Variants in SCAP observed in about 807,000 individuals in gnomAD.
The protein encoded by SCAP is SREBF chaperone.
A neutral mutation model predicts 123.6 loss-of-function variants in SCAP; 65 were observed. The observed-to-expected ratio is 0.53, with a 90% confidence interval of 0.43 to 0.65. The LOEUF (loss-of-function observed/expected upper bound fraction) is 0.65, where lower values mean the gene tolerates loss of function less well. Ranked by LOEUF, SCAP falls within the 30% of genes least tolerant of loss-of-function variation. The pLI is 0.00. For missense variants in SCAP, 1,398 were observed against 1,712.5 expected (o/e 0.82, Z 3.24); for synonymous variants, 740 against 726.3 (o/e 1.02, Z -0.30).
intron 4 of SCAP, among the ~76,000 whole-genome samples, chr3:47,428,114 C>A (rs952311213): frequency 3.9e-5 from 6 of 152,192 alleles, no homozygotes; most frequent in African/African-American, 1.4e-4. Context: ...CAGGGACCCA[C>A]TGATAGGCAG....
rs1708252272 is a variant in SCAP at position 47,475,846 on chromosome 3, CG to C, written c.-147del. On this transcript the variant is annotated 5_prime_UTR_variant, in exon 1 of 23. Transcript: ENST00000265565. ...GCTGCGGCGGCGGCGGCGGCGGCGACGGGGGCGGCAGCAGGGGCGGAGCGCG... is the reference window on the plus strand; with the variant it reads ...GCTGCGGCGGCGGCGGCGGCGGCGACGGGGCGGCAGCAGGGGCGGAGCGCG... 1.2e-5 allele frequency: 2 copies of C among 161,008 alleles called. No homozygotes were observed. The highest frequency in any genetic ancestry group is 2.4e-5 in the African/African-American group (1 of 41,498). The allele number at this position is 161,008 out of a possible 1,614,324, so 10.0% of individuals were successfully genotyped here.
chr3:47,437,725 G>C (rs1224059064), intron 2 of SCAP, among the ~76,000 whole-genome samples: 1 of 152,146 alleles, frequency 6.6e-6, no homozygotes, highest in African/African-American at 2.4e-5. Flanking sequence ...CTAGGTGACA[G>C]AGTGAGACCC....
Position 47,424,179 on chromosome 3 carries a change from C to A in SCAP, c.1038-134G>T, listed in dbSNP as rs183988902. 4,374 of 663,484 alleles carry A rather than the reference C, an allele frequency of 6.6e-3. 37 individuals are homozygous for A. Among genetic ancestry groups the A allele is most frequent in the Non-Finnish European group, 9.9e-3 (3,661 of 369,884 alleles). The allele number at this position is 663,484 out of a possible 1,614,324, so 41.1% of individuals were successfully genotyped here. ...GACTCCCACAGGTGCTGGGCAGAAA[C>A]CCTCCCTTGTCCACCTCACCCAACA... On this transcript the variant is annotated intron_variant, in intron 8 of 22. Transcript: ENST00000265565.
At position 47,421,145 on chromosome 3, in the gene SCAP, C is replaced by A. The variant is rs1012456877; in HGVS notation, c.1246-116G>T. ...ACCGGCAGGGCAGCAGCAGGCAGGG[C>A]ACAGCAGAGATGAGAGATGCTGGTT... On this transcript the variant is annotated intron_variant, in intron 10 of 22. Coordinates refer to ENST00000265565, the MANE Select transcript of SCAP (RefSeq NM_012235.4). The A allele has an allele frequency of 1.8e-5, 14 of 796,368 alleles. No homozygotes were observed. The African/African-American group carries it at 2.4e-4, about 13-fold the overall frequency. The allele number at this position is 796,368 out of a possible 1,614,324, so 49.3% of individuals were successfully genotyped here.
intron 1 of SCAP, among the ~76,000 whole-genome samples, chr3:47,456,496 T>C (rs1333533447): frequency 2.6e-5 from 4 of 152,154 alleles, no homozygotes; most frequent in Non-Finnish European, 5.9e-5. Context: ...CCAGGTGCAG[T>C]GGCTCATGCC....
chr3:47,464,110 G>A (rs1243282963), intron 1 of SCAP, among the ~76,000 whole-genome samples: 5 of 152,168 alleles, frequency 3.3e-5, no homozygotes, highest in Non-Finnish European at 7.4e-5. Context: ...CCGCCTCCCA[G>A]GTTCAAGCAA....
chr3:47,469,134 G>C (rs1707943619), intron 1 of SCAP, among the ~76,000 whole-genome samples: 1 of 152,192 alleles, frequency 6.6e-6, no homozygotes. Context: ...GATCACTTGA[G>C]GTCAGGAGTT....
At chr3:47,425,965 G>A (rs1706109262) in intron 7 of SCAP, 32 bp downstream of exon 7, 3 of 1,612,586 alleles carry the variant, frequency 1.9e-6, no homozygotes, top group Non-Finnish European at 2.5e-6. Flanking sequence ...TTAGCTTGGA[G>A]AAAGCCCTCA....
At chr3:47,425,053 AT>A (rs1435603477) in intron 8 of SCAP, among the ~76,000 whole-genome samples, 3 of 152,138 alleles carry the variant, frequency 2.0e-5, no homozygotes, top group African/African-American at 7.2e-5. Context: ...AAATGTTCTA[AT>A]CATGAAAAAA....
Position 47,460,363 on chromosome 3 carries a change from G to T in SCAP, c.-99+15436C>A, listed in dbSNP as rs72913106. 6.3e-3 allele frequency among the ~76,000 whole-genome samples: 953 copies of T among 152,182 alleles called. 7 individuals are homozygous for T. The highest frequency in any genetic ancestry group is 0.02 in the African/African-American group (835 of 41,522). On this transcript the variant is annotated intron_variant, in intron 1 of 22. Transcript: ENST00000265565. Reference sequence around the variant, plus strand: ...GTCCATATTAAAAGGAAATATTAACGATTTATGTTCAGAGATTGAAGTAAA... The same window carrying T: ...GTCCATATTAAAAGGAAATATTAACTATTTATGTTCAGAGATTGAAGTAAA...
At chr3:47,473,122 G>A (rs55742438) in intron 1 of SCAP, among the ~76,000 whole-genome samples, 1 of 111,308 alleles carries the variant, frequency 9.0e-6, no homozygotes, top group East Asian at 2.7e-4. Context: ...GCAGGTACAA[G>A]AACAGCATAA....
rs568832199 is a variant in SCAP at position 47,438,024 on chromosome 3, C to T, written c.123-2887G>A. Among the ~76,000 whole-genome samples the T allele has an allele frequency of 2.1e-3, 316 of 152,262 alleles. 3 individuals are homozygous for T. Among genetic ancestry groups the T allele is most frequent in the African/African-American group, 7.1e-3 (297 of 41,548 alleles). On this transcript the variant is annotated intron_variant, in intron 2 of 22. Transcript: ENST00000265565. ...TCCAAATCCTTGTCACCTCTTGATACTGTCAGTCCAATTAATGTTAACCAT... is the reference window on the plus strand; with the variant it reads ...TCCAAATCCTTGTCACCTCTTGATATTGTCAGTCCAATTAATGTTAACCAT...
Position 47,428,561 on chromosome 3 carries a change from C to T in SCAP, c.362G>A (p.Arg121Gln), listed in dbSNP as rs1380551944. 2 of 1,614,108 alleles carry T rather than the reference C, an allele frequency of 1.2e-6. No homozygotes were observed. Among genetic ancestry groups the T allele is most frequent in the South Asian group, 2.2e-5 (2 of 91,082 alleles). The change falls in exon 4 of 23, where the codon CGG becomes CAG. Residue 121 changes from arginine to glutamine, a missense_variant. Coordinates refer to ENST00000265565, the MANE Select transcript of SCAP (RefSeq NM_012235.4). ...AVDVFRSPLSRAFQLVEEIRN... is the reference protein window; with the variant it reads ...AVDVFRSPLSQAFQLVEEIRN... Reference sequence around the variant, plus strand: ...GATCTCCTCCACCAGTTGGAATGCCCGGGACAAAGGTGAACGAAATACATC... The same window carrying T: ...GATCTCCTCCACCAGTTGGAATGCCTGGGACAAAGGTGAACGAAATACATC...
intron 2 of SCAP, among the ~76,000 whole-genome samples, chr3:47,438,421 C>T (rs1314822351): frequency 7.6e-4 from 9 of 11,772 alleles, no homozygotes; most frequent in Admixed American, 6.5e-3. Context: ...AAGAGAGAAA[C>T]GACTACAAGT....
rs945782329 is a variant in SCAP at position 47,418,861 on chromosome 3, G to A, written c.1941-18C>T. 6.6e-7 allele frequency: 1 copy of A among 1,504,630 alleles called. No homozygotes were observed. Among genetic ancestry groups the A allele is most frequent in the Admixed American group, 2.3e-5 (1 of 42,818 alleles). 93.2% of individuals were successfully genotyped at this position (1,504,630 alleles called of 1,614,324 possible). A position where few individuals can be genotyped will look rare whatever the true frequency, so the allele number is the denominator to read the frequency against. ...TGATGTACCTGGATTCGGACAGTGG[G>A]CAGCCTCAGCGGGGGGCCTCCCAGG... On this transcript the variant is annotated intron_variant, in intron 13 of 22. Transcript: ENST00000265565.
intron 2 of SCAP, among the ~76,000 whole-genome samples, chr3:47,440,630 G>GCCAA (rs1706756879): frequency 6.6e-6 from 1 of 152,194 alleles, no homozygotes; most frequent in Non-Finnish European, 1.5e-5. Context: ...CGACACTTTG[G>GCCAA]GAAGCCAAGG....
At chr3:47,454,749 AT>A (rs1707353537) in intron 1 of SCAP, among the ~76,000 whole-genome samples, 1 of 151,932 alleles carries the variant, frequency 6.6e-6, no homozygotes, top group South Asian at 2.1e-4. Flanking sequence ...GTCTCAAAAA[AT>A]AATAATAAAA....
chr3:47,435,978 G>A (rs1706563743), intron 2 of SCAP, among the ~76,000 whole-genome samples: 1 of 152,056 alleles, frequency 6.6e-6, no homozygotes, highest in Non-Finnish European at 1.5e-5. Context: ...TAAGCCTAGA[G>A]GTAGAGGCTG....
intron 6 of SCAP, among the ~76,000 whole-genome samples, chr3:47,426,565 G>C (rs938763423): frequency 2.0e-5 from 3 of 152,140 alleles, no homozygotes; most frequent in Admixed American, 6.5e-5. Flanking sequence ...AGCCTCCCGA[G>C]TAGCTGGGAC....
Sources: gnomAD v4.1 joint callset for allele counts (sites outside exome capture counted in the v4.1 genomes callset) on GRCh38, gnomAD v4.1.1 for gene constraint, MANE v1.5 for transcripts, NCBI Gene and HGNC (gene_info 2026-07-23, HGNC 2026-07-21) for gene names.